NALF1: variants seen among roughly 807,000 people sequenced by gnomAD.
NALF1 encodes the protein family with sequence similarity 155 member A.
A neutral mutation model predicts 48.4 loss-of-function variants in NALF1; 3 were observed. The ratio of observed to expected loss-of-function variants is 0.06; its 90% CI spans 0.03 to 0.16. The LOEUF (loss-of-function observed/expected upper bound fraction) is 0.16. Among genes scored for constraint, NALF1 ranks in the 10% least tolerant of loss-of-function variants. The pLI is 1.00. For missense variants in NALF1, 526 were observed against 571.5 expected (o/e 0.92, Z 0.81); for synonymous variants, 262 against 245.7 (o/e 1.07, Z -0.62).
intron 1 of NALF1, among the ~76,000 whole-genome samples, chr13:107,443,026 T>C (rs553344865): frequency 6.6e-6 from 1 of 152,312 alleles, no homozygotes; most frequent in South Asian, 2.1e-4. Context: ...ACTGGATGCA[T>C]TATAATAATT....
At chr13:107,209,986 T>C (rs1196138932) in intron 2 of NALF1, among the ~76,000 whole-genome samples, 1 of 152,184 alleles carries the variant, frequency 6.6e-6, no homozygotes, top group Non-Finnish European at 1.5e-5. Context: ...GGAGTGCTGA[T>C]ATTGGTGTTT....
chr13:107,562,278 A>G (rs925462375), intron 1 of NALF1, among the ~76,000 whole-genome samples: 3 of 152,186 alleles, frequency 2.0e-5, no homozygotes, highest in Non-Finnish European at 4.4e-5. Flanking sequence ...ATTTTGAATG[A>G]GTCTTATGCT....
At chr13:107,271,494 A>G (rs1165779296) in intron 1 of NALF1, among the ~76,000 whole-genome samples, 1 of 152,084 alleles carries the variant, frequency 6.6e-6, no homozygotes, top group Non-Finnish European at 1.5e-5. Flanking sequence ...AATTGCTCCA[A>G]TAGCCTGAAT....
chr13:107,483,492 T>C (rs1412253789), intron 1 of NALF1, among the ~76,000 whole-genome samples: 1 of 152,230 alleles, frequency 6.6e-6, no homozygotes, highest in Non-Finnish European at 1.5e-5. Flanking sequence ...ATCTGATTTC[T>C]ATATGTTACA....
chr13:107,633,635 T>G (rs1228348194), intron 1 of NALF1, among the ~76,000 whole-genome samples: 1 of 151,542 alleles, frequency 6.6e-6, no homozygotes, highest in African/African-American at 2.4e-5. Flanking sequence ...TATTTCCTCT[T>G]TATTAATAAC....
chr13:107,464,818 C>A lies in NALF1; in HGVS notation c.916-254063G>T, dbSNP rs568178272. 1.6e-4 allele frequency among the ~76,000 whole-genome samples: 25 copies of A among 152,176 alleles called. 1 individual carries two copies. Among genetic ancestry groups the A allele is most frequent in the African/African-American group, 6.0e-4 (25 of 41,518 alleles). ...TACAGGCATGAGCCACCACACCCGG[C>A]GGCAATACAAATTTTTAGACCATTT... On this transcript the variant is annotated intron_variant, in intron 1 of 2. Coordinates refer to ENST00000375915, the MANE Select transcript of NALF1 (RefSeq NM_001080396.3).
At chr13:107,787,062 T>C (rs143771510) in intron 1 of NALF1, among the ~76,000 whole-genome samples, 95 of 152,360 alleles carry the variant, frequency 6.2e-4, no homozygotes, top group African/African-American at 2.1e-3. Flanking sequence ...TTATTTCATT[T>C]AGTCTCCTAC....
At chr13:107,592,423 T>A (rs1329939194) in intron 1 of NALF1, among the ~76,000 whole-genome samples, 1 of 151,966 alleles carries the variant, frequency 6.6e-6, no homozygotes, top group Non-Finnish European at 1.5e-5. Flanking sequence ...CAACTATTTT[T>A]ATTATATAAG....
chr13:107,585,017 A>G (rs1428249070), intron 1 of NALF1, among the ~76,000 whole-genome samples: 1 of 152,192 alleles, frequency 6.6e-6, no homozygotes, highest in Non-Finnish European at 1.5e-5. Context: ...GGCAGTAGAC[A>G]CACAGATAAA....
intron 1 of NALF1, among the ~76,000 whole-genome samples, chr13:107,296,123 T>G (rs1267668274): frequency 4.6e-5 from 7 of 152,338 alleles, no homozygotes; most frequent in Non-Finnish European, 8.8e-5. Flanking sequence ...TAATAATACA[T>G]GAATTAATGA....
At chr13:107,769,598 A>G (rs1164912552) in intron 1 of NALF1, among the ~76,000 whole-genome samples, 1 of 150,222 alleles carries the variant, frequency 6.7e-6, no homozygotes, top group African/African-American at 2.4e-5. Flanking sequence ...CTAGATGACG[A>G]GTTAGTGGGT....
intron 1 of NALF1, among the ~76,000 whole-genome samples, chr13:107,525,751 C>T (rs546446468): frequency 3.9e-5 from 6 of 152,144 alleles, no homozygotes; most frequent in East Asian, 1.9e-4. Context: ...CAACAATGCA[C>T]GAGAGATCTA....
intron 1 of NALF1, among the ~76,000 whole-genome samples, chr13:107,442,537 G>A (rs1005540999): frequency 6.6e-6 from 1 of 152,104 alleles, no homozygotes; most frequent in Non-Finnish European, 1.5e-5. Context: ...TGAAGTTGAT[G>A]CCTGAGACGA....
chr13:107,437,803 C>A (rs1884487094), intron 1 of NALF1, among the ~76,000 whole-genome samples: 1 of 152,086 alleles, frequency 6.6e-6, no homozygotes, highest in Non-Finnish European at 1.5e-5. Flanking sequence ...TGTCAAAATA[C>A]AGTATTAACT....
intron 1 of NALF1, among the ~76,000 whole-genome samples, chr13:107,637,225 C>T (rs1423835337): frequency 6.8e-6 from 1 of 147,930 alleles, no homozygotes; most frequent in Non-Finnish European, 1.5e-5. Context: ...CAATGCATAA[C>T]TGTATATTGT....
At chr13:107,754,079 G>C (rs142672406) in intron 1 of NALF1, among the ~76,000 whole-genome samples, 1 of 152,196 alleles carries the variant, frequency 6.6e-6, no homozygotes, top group Non-Finnish European at 1.5e-5. Context: ...GAATAAAAGA[G>C]AAAAACAAGG....
At chr13:107,194,042 ATCTATCTATCTATC>A (rs1566446860) in intron 2 of NALF1, among the ~76,000 whole-genome samples, 26 of 130,424 alleles carry the variant, frequency 2.0e-4, no homozygotes, top group Middle Eastern at 3.8e-3. Flanking sequence ...CTATCTATCT[ATCTATCTATCTATC>A]TATATATCAA....
intron 1 of NALF1, among the ~76,000 whole-genome samples, chr13:107,219,204 G>A (rs1051989716): frequency 3.3e-5 from 5 of 152,056 alleles, no homozygotes; most frequent in Admixed American, 6.5e-5. Context: ...GAATGGGCCC[G>A]TAGTAAATGA....
At chr13:107,558,596 G>A (rs1008850691) in intron 1 of NALF1, among the ~76,000 whole-genome samples, 1 of 152,158 alleles carries the variant, frequency 6.6e-6, no homozygotes, top group Admixed American at 6.5e-5. Flanking sequence ...GGCTTGAACT[G>A]GAATTTGGTT....
Sources: gnomAD v4.1 joint callset for allele counts (sites outside exome capture counted in the v4.1 genomes callset) on GRCh38, gnomAD v4.1.1 for gene constraint, MANE v1.5 for transcripts, NCBI Gene and HGNC (gene_info 2026-07-23, HGNC 2026-07-21) for gene names.